BTBD9: variants seen among roughly 807,000 people sequenced by gnomAD.
BTBD9 encodes the protein BTB/POZ domain-containing protein 9.
BTBD9 carries 49 observed loss-of-function variants against 64.3 expected under a neutral mutation model. That is an observed-to-expected ratio of 0.76 (90% CI 0.61 to 0.97). BTBD9 has a LOEUF of 0.97. Ranked by LOEUF, BTBD9 falls within the 50% of genes least tolerant of loss-of-function variation. The pLI, the probability that BTBD9 is intolerant of heterozygous loss-of-function variation, is 0.00. For synonymous variants in BTBD9, 260 were observed against 274.7 expected (o/e 0.95, Z 0.53); for missense variants, 598 against 762.1 (o/e 0.78, Z 2.53).
At chr6:38,536,128 G>A (rs1384708871) in intron 6 of BTBD9, among the ~76,000 whole-genome samples, 2 of 151,832 alleles carry the variant, frequency 1.3e-5, no homozygotes, top group Non-Finnish European at 2.9e-5. Flanking sequence ...AATAAATAAG[G>A]AGCTCAAACA....
chr6:38,523,955 T>G (rs1041997059), intron 6 of BTBD9, among the ~76,000 whole-genome samples: 4 of 152,180 alleles, frequency 2.6e-5, no homozygotes, highest in African/African-American at 9.7e-5. Context: ...GTGGAATCCT[T>G]TGGTATTTCT....
At chr6:38,626,150 TA>T (rs1053091725) in intron 1 of BTBD9, among the ~76,000 whole-genome samples, 2 of 152,102 alleles carry the variant, frequency 1.3e-5, no homozygotes, top group Non-Finnish European at 2.9e-5. Context: ...CACACATACT[TA>T]AAAAAAATTT....
At chr6:38,525,200 C>G (rs373828258) in intron 6 of BTBD9, among the ~76,000 whole-genome samples, 2 of 152,148 alleles carry the variant, frequency 1.3e-5, no homozygotes, top group African/African-American at 4.8e-5. Flanking sequence ...GTTCTCATGA[C>G]AGTGAGTGAG....
At chr6:38,596,830 A>G (rs1777053474) in intron 2 of BTBD9, among the ~76,000 whole-genome samples, 1 of 151,998 alleles carries the variant, frequency 6.6e-6, no homozygotes, top group Admixed American at 6.6e-5. Context: ...GGGCTCTTAT[A>G]AAACACTTTA....
chr6:38,524,381 A>T (rs1370393028), intron 6 of BTBD9, among the ~76,000 whole-genome samples: 1 of 152,206 alleles, frequency 6.6e-6, no homozygotes, highest in Non-Finnish European at 1.5e-5. Context: ...AGAATTCATA[A>T]GAAGTTAAAA....
rs1003979830 is a variant in BTBD9, at chr6:38,188,123, G to A, written c.1641+4396C>T. Among the ~76,000 whole-genome samples, 9 of 152,346 alleles carry A rather than the reference G, an allele frequency of 5.9e-5. No homozygotes were observed. The South Asian group carries it at 1.9e-3, about 32-fold the overall frequency. On this transcript the variant is annotated intron_variant, in intron 10 of 10. Coordinates refer to ENST00000481247, the MANE Select transcript of BTBD9 (RefSeq NM_001099272.2). Reference sequence around the variant, plus strand: ...TAGCTCAGTCAGGCCAGCCTGGGGGGCCTGCTTCCACGCACTGCCTGCTGT... The same window carrying A: ...TAGCTCAGTCAGGCCAGCCTGGGGGACCTGCTTCCACGCACTGCCTGCTGT...
At chr6:38,439,321 T>C (rs1038111414) in intron 6 of BTBD9, among the ~76,000 whole-genome samples, 1 of 150,812 alleles carries the variant, frequency 6.6e-6, no homozygotes, top group Non-Finnish European at 1.5e-5. Context: ...AGAGATGGTG[T>C]TTCACCATGC....
At position 38,621,680 on chromosome 6, in the gene BTBD9, T is replaced by G. The variant is rs540076353; in HGVS notation, c.-28+18120A>C. ...GCTGCAATATGGAAAGAAAGGGAGT[T>G]CCTAACATCTGGGGGAACCCCCAAT... On this transcript the variant is annotated intron_variant, in intron 1 of 10. Transcript: ENST00000481247. Among the ~76,000 whole-genome samples the G allele has an allele frequency of 9.9e-5, 15 of 152,268 alleles. No individual in the cohort carries two copies. In the South Asian group the frequency reaches 2.9e-3, roughly 29 times the overall value.
intron 6 of BTBD9, among the ~76,000 whole-genome samples, chr6:38,393,274 G>A (rs1183419024): frequency 6.6e-6 from 1 of 152,182 alleles, no homozygotes; most frequent in Admixed American, 6.5e-5. Flanking sequence ...CATTCTGGAG[G>A]TTCTTGCAAA....
In BTBD9 at chr6:38,170,559, C is replaced by T. The variant is rs545071452; in HGVS notation, c.*4426G>A. The T allele has an allele frequency of 6.6e-6, 1 of 152,402 alleles. No individual in the cohort carries two copies. The highest frequency in any genetic ancestry group is 2.1e-4 in the South Asian group (1 of 4,822). The allele number at this position is 152,402 out of a possible 1,614,324, so 9.4% of individuals were successfully genotyped here. A position where few individuals can be genotyped will look rare whatever the true frequency, so the allele number is the denominator to read the frequency against. ...AATGACCAGGGCCTCCAAATCCCGT[C>T]CAGCCCCAGGTATGACTGGATCCGT... On this transcript the variant is annotated 3_prime_UTR_variant, in exon 11 of 11. Coordinates refer to ENST00000481247, the MANE Select transcript of BTBD9 (RefSeq NM_001099272.2).
intron 6 of BTBD9, among the ~76,000 whole-genome samples, chr6:38,372,612 A>T (rs980051612): frequency 6.6e-6 from 1 of 152,148 alleles, no homozygotes. Flanking sequence ...TTCCCTTTTT[A>T]GGGGCTATGT....
At chr6:38,301,325 T>C (rs1347389708) in intron 7 of BTBD9, among the ~76,000 whole-genome samples, 2 of 152,204 alleles carry the variant, frequency 1.3e-5, no homozygotes, top group Non-Finnish European at 2.9e-5. Flanking sequence ...AATTCTCGTT[T>C]TTTGTTGTGT....
intron 7 of BTBD9, among the ~76,000 whole-genome samples, chr6:38,320,016 C>T (rs1180771847): frequency 6.6e-6 from 1 of 152,114 alleles, no homozygotes; most frequent in African/African-American, 2.4e-5. Context: ...TCTAAGTGCT[C>T]CCTCCACGGG....
chr6:38,521,836 G>A (rs549496197), intron 6 of BTBD9, among the ~76,000 whole-genome samples: 1 of 152,126 alleles, frequency 6.6e-6, no homozygotes, highest in South Asian at 2.1e-4. Context: ...CACCATGCTT[G>A]GCTAACTTTT....
At chr6:38,434,213 T>C (rs1768597326) in intron 6 of BTBD9, among the ~76,000 whole-genome samples, 1 of 151,998 alleles carries the variant, frequency 6.6e-6, no homozygotes, top group African/African-American at 2.4e-5. Flanking sequence ...GCTAGATCTT[T>C]TTCTTCCAGT....
intron 7 of BTBD9, among the ~76,000 whole-genome samples, chr6:38,337,081 G>A (rs1202090414): frequency 6.6e-6 from 1 of 152,184 alleles, no homozygotes; most frequent in Non-Finnish European, 1.5e-5. Context: ...TAGTGCCACT[G>A]TAGGAAACTA....
At position 38,624,412 on chromosome 6, in the gene BTBD9, C is replaced by T. The variant is rs149029363; in HGVS notation, c.-28+15388G>A. On this transcript the variant is annotated intron_variant, in intron 1 of 10. Transcript: ENST00000481247. ...CCATCTTTAAGAGCTGTAACACTCA[C>T]GGCGAAGGTCCGCGGCTTCATTCTT... Among the ~76,000 whole-genome samples the T allele has an allele frequency of 9.3e-4, 142 of 152,230 alleles. 3 individuals carry two copies. The East Asian group carries it at 0.022, about 24-fold the overall frequency.
intron 6 of BTBD9, among the ~76,000 whole-genome samples, chr6:38,427,462 A>C (rs1385921344): frequency 3.3e-5 from 5 of 152,030 alleles, no homozygotes; most frequent in Non-Finnish European, 7.3e-5. Flanking sequence ...GCTGGAGCTG[A>C]GAAAAGTACG....
At chr6:38,544,021 A>C (rs1432363998) in intron 6 of BTBD9, among the ~76,000 whole-genome samples, 1 of 152,048 alleles carries the variant, frequency 6.6e-6, no homozygotes, top group African/African-American at 2.4e-5. Context: ...GATGATAAAC[A>C]AAAGTTAGTA....
Sources: allele counts gnomAD v4.1 joint callset (sites outside exome capture counted in the v4.1 genomes callset), GRCh38; gene constraint gnomAD v4.1.1; transcripts MANE v1.5; gene names NCBI Gene and HGNC (gene_info 2026-07-23, HGNC 2026-07-21).